FMN1: variants seen among roughly 807,000 people sequenced by gnomAD.
The protein encoded by FMN1 is formin-1.
A neutral mutation model predicts 132.4 loss-of-function variants in FMN1; 110 were observed. The observed-to-expected ratio is 0.83, with a 90% CI of 0.71 to 0.97. FMN1 has a LOEUF of 0.97. FMN1 is among the 50% of genes least tolerant of loss of function. The pLI, the probability that FMN1 is intolerant of heterozygous loss-of-function variation, is 0.00. For synonymous variants in FMN1, 722 were observed against 651.7 expected (o/e 1.11, Z -1.64); for missense variants, 1,792 against 1,705.3 (o/e 1.05, Z -0.90).
At chr15:32,819,131 C>A (rs1567218523) in intron 17 of FMN1, among the ~76,000 whole-genome samples, 3 of 152,174 alleles carry the variant, frequency 2.0e-5, no homozygotes, top group Non-Finnish European at 4.4e-5. Context: ...ACATGTTCAA[C>A]TGAGGCTGAG....
At chr15:33,105,602 C>G (rs1282338057) in intron 4 of FMN1, among the ~76,000 whole-genome samples, 1 of 152,090 alleles carries the variant, frequency 6.6e-6, no homozygotes, top group Admixed American at 6.5e-5. Context: ...GCTTTGAGAT[C>G]AGGCGGAAAA....
chr15:33,007,915 A>G, intron 7 of FMN1, 99 bp downstream of exon 7: 1 of 988,398 alleles, frequency 1.0e-6, no homozygotes, highest in Non-Finnish European at 1.5e-6. Context: ...GATGCTGTCT[A>G]GTTTAACACT....
At chr15:32,843,873 GAACT>G (rs1214018486) in intron 17 of FMN1, among the ~76,000 whole-genome samples, 5 of 152,156 alleles carry the variant, frequency 3.3e-5, no homozygotes, top group South Asian at 2.1e-4. Context: ...AAAAGCACAT[GAACT>G]AACTAACATC....
intron 17 of FMN1, among the ~76,000 whole-genome samples, chr15:32,832,401 C>T (rs2058523288): frequency 6.6e-6 from 1 of 152,126 alleles, no homozygotes; most frequent in Non-Finnish European, 1.5e-5. Context: ...TATGGCTTCC[C>T]TAATTTTTCT....
intron 4 of FMN1, among the ~76,000 whole-genome samples, chr15:33,106,683 G>C (rs2039500007): frequency 6.6e-6 from 1 of 152,052 alleles, no homozygotes; most frequent in Non-Finnish European, 1.5e-5. Flanking sequence ...TTTTGGGCCA[G>C]ATAACTGTTT....
chr15:33,147,804 G>A (rs1468377481), intron 4 of FMN1, among the ~76,000 whole-genome samples: 2 of 152,126 alleles, frequency 1.3e-5, no homozygotes, highest in Admixed American at 1.3e-4. Flanking sequence ...ACATGCCAAT[G>A]AGCTATTCTT....
At chr15:32,848,927 G>A (rs1311458823) in intron 17 of FMN1, among the ~76,000 whole-genome samples, 1 of 149,912 alleles carries the variant, frequency 6.7e-6, no homozygotes, top group Non-Finnish European at 1.5e-5. Flanking sequence ...ACCTGTATGG[G>A]TGTTATGGTG....
At chr15:33,108,554 C>G (rs1456024860) in intron 4 of FMN1, among the ~76,000 whole-genome samples, 1 of 151,922 alleles carries the variant, frequency 6.6e-6, no homozygotes, top group Non-Finnish European at 1.5e-5. Flanking sequence ...AGAAACTGAA[C>G]TTAAAGAGAA....
At chr15:32,785,218 A>ATATATATATATATT (rs1444523400) in intron 19 of FMN1, among the ~76,000 whole-genome samples, 2 of 39,204 alleles carry the variant, frequency 5.1e-5, no homozygotes, top group African/African-American at 1.2e-4. Context: ...ATATATATAT[A>ATATATATATATATT]TTTTTTTTTT....
chr15:32,958,150 C>G (rs1469156939), intron 9 of FMN1, among the ~76,000 whole-genome samples: 1 of 152,114 alleles, frequency 6.6e-6, no homozygotes, highest in Non-Finnish European at 1.5e-5. Flanking sequence ...GATTTGGCTT[C>G]CTATTGGAAG....
chr15:33,068,132 G>A, intron 5 of FMN1: 1 of 840,332 alleles, frequency 1.2e-6, no homozygotes, highest in Non-Finnish European at 1.7e-6. Flanking sequence ...AGCAGCCGAG[G>A]CTGCGCACCT....
chr15:33,019,022 A>C (rs1358839637), intron 6 of FMN1, among the ~76,000 whole-genome samples: 2 of 152,188 alleles, frequency 1.3e-5, no homozygotes, highest in African/African-American at 4.8e-5. Context: ...CAAAGCTTCC[A>C]CCATGCGGAA....
In FMN1 at chr15:33,154,848, A is replaced by C; in HGVS notation, c.67T>G (p.Cys23Gly). Residue 23 changes from cysteine (C) to glycine (G), a missense_variant, in exon 4 of 21, where the codon TGT becomes GGT. Physicochemically the swap from Cys to Gly is radical, Grantham distance 159 (BLOSUM62 -3). Coordinates refer to ENST00000616417, the MANE Select transcript of FMN1 (RefSeq NM_001277313.2). ...CCTCTGACTTCCCCCTTTGGAAGACAGAAGCTGATGTAGCAGAGTTCCGTA... is the reference window on the plus strand; with the variant it reads ...CCTCTGACTTCCCCCTTTGGAAGACCGAAGCTGATGTAGCAGAGTTCCGTA... ...PITELCYISF[C>G]LPKGEVRGFS... The C allele has an allele frequency of 6.5e-7, 1 of 1,536,238 alleles. No individual in the cohort carries two copies. Among genetic ancestry groups the C allele is most frequent in the Non-Finnish European group, 8.7e-7 (1 of 1,146,934 alleles).
At chr15:32,975,769 C>G (rs897282087) in intron 7 of FMN1, among the ~76,000 whole-genome samples, 1 of 152,112 alleles carries the variant, frequency 6.6e-6, no homozygotes, top group African/African-American at 2.4e-5. Flanking sequence ...ATAAACCACC[C>G]GGTAGAAATG....
At chr15:33,127,775 T>G (rs1223252040) in intron 4 of FMN1, among the ~76,000 whole-genome samples, 5 of 152,232 alleles carry the variant, frequency 3.3e-5, no homozygotes, top group Non-Finnish European at 7.3e-5. Context: ...ACTTGCAGTG[T>G]CTGTAGAGAA....
chr15:33,078,343 G>A (rs1212200523), intron 5 of FMN1, among the ~76,000 whole-genome samples: 1 of 152,064 alleles, frequency 6.6e-6, no homozygotes, highest in Non-Finnish European at 1.5e-5. Context: ...TTTTTCCATG[G>A]TTTTGAAATG....
chr15:32,882,178 C>T (rs191739650), intron 16 of FMN1, among the ~76,000 whole-genome samples: 91 of 152,232 alleles, frequency 6.0e-4, no homozygotes, highest in African/African-American at 2.0e-3. Context: ...AGCCACAGAA[C>T]GAAGTGGGGC....
intron 16 of FMN1, among the ~76,000 whole-genome samples, chr15:32,884,560 C>T (rs2059850146): frequency 6.6e-6 from 1 of 152,168 alleles, no homozygotes; most frequent in African/African-American, 2.4e-5. Flanking sequence ...AACATGTTCA[C>T]AGATTCTAGG....
chr15:33,084,827 A>C (rs2038626058), intron 5 of FMN1, among the ~76,000 whole-genome samples: 1 of 152,198 alleles, frequency 6.6e-6, no homozygotes, highest in Non-Finnish European at 1.5e-5. Flanking sequence ...ACCAGTGTCC[A>C]TCCTGACTCA....
Sources: gnomAD v4.1 joint callset for allele counts (sites outside exome capture counted in the v4.1 genomes callset) on GRCh38, gnomAD v4.1.1 for gene constraint, MANE v1.5 for transcripts, NCBI Gene and HGNC (gene_info 2026-07-23, HGNC 2026-07-21) for gene names.